The following NAA35 variants were observed in gnomAD, a reference collection of about 807,000 sequenced individuals.
NAA35 encodes N-alpha-acetyltransferase 35, NatC auxiliary subunit, also known as MAK10 homolog, amino-acid N-acetyltransferase subunit.
A neutral mutation model predicts 101.7 loss-of-function variants in NAA35; 18 were observed. That is an observed-to-expected ratio of 0.18 (90% CI 0.12 to 0.26). The LOEUF is 0.26. NAA35 is among the 10% of genes least tolerant of loss of function. The pLI is 1.00. For synonymous variants in NAA35, 267 were observed against 273.1 expected, an observed-to-expected ratio of 0.98 and a Z score of 0.22; for missense variants, 601 against 886.8, an observed-to-expected ratio of 0.68 and a Z score of 4.09.
At chr9:85,987,122 G>A (rs1358528959) in intron 11 of NAA35, 1 of 152,208 alleles carries the variant, frequency 6.6e-6, no homozygotes, top group African/African-American at 2.4e-5. Flanking sequence ...AGAAATACAA[G>A]AGATAACTAA....
At chr9:86,011,273 C>A (rs957137931) in intron 15 of NAA35, among the ~76,000 whole-genome samples, 1 of 151,746 alleles carries the variant, frequency 6.6e-6, no homozygotes, top group Non-Finnish European at 1.5e-5. Flanking sequence ...TAAATGAGGT[C>A]ACAAATTGTT....
At chr9:85,948,521 CTT>C (rs1013228472) in intron 2 of NAA35, among the ~76,000 whole-genome samples, 3 of 152,068 alleles carry the variant, frequency 2.0e-5, no homozygotes, top group South Asian at 2.1e-4. Context: ...CCTGGGGTGT[CTT>C]TTCTCTCTTG....
rs141267660 is a variant in NAA35, at chr9:85,978,558, T to C, written c.877+177T>C. 3.9e-5 allele frequency among the ~76,000 whole-genome samples: 6 copies of C among 152,316 alleles called. No homozygotes were observed. The East Asian group carries it at 1.2e-3, about 29-fold the overall frequency. ...TATATACTAGACTAAAAAACAATAC[T>C]GTAGAACTTGGCCGTTTCCTGTATA... On this transcript the variant is annotated intron_variant, in intron 11 of 22. Coordinates refer to ENST00000361671, the MANE Select transcript of NAA35 (RefSeq NM_024635.4).
chr9:86,012,687 G>A (rs1255762619), intron 15 of NAA35, among the ~76,000 whole-genome samples: 1 of 152,098 alleles, frequency 6.6e-6, no homozygotes, highest in Non-Finnish European at 1.5e-5. Flanking sequence ...ATAATTATTA[G>A]GCATTCTGAC....
Position 86,023,869 on chromosome 9 carries a change from G to T in NAA35, c.*1909G>T, listed in dbSNP as rs558933537. ...TAATTTTTGGTTTTTAGTTTGTTTAGAGAGGAGGTTTCACTATGTTGCCCA... is the reference window on the plus strand; with the variant it reads ...TAATTTTTGGTTTTTAGTTTGTTTATAGAGGAGGTTTCACTATGTTGCCCA... On this transcript the variant is annotated 3_prime_UTR_variant, in exon 23 of 23. Coordinates refer to ENST00000361671, the MANE Select transcript of NAA35 (RefSeq NM_024635.4). 6.6e-6 allele frequency among the ~76,000 whole-genome samples: 1 copy of T among 152,308 alleles called. No individual in the cohort carries two copies. The highest frequency in any genetic ancestry group is 6.5e-5 in the Admixed American group (1 of 15,306).
Position 85,975,133 on chromosome 9 carries a change from G to A in NAA35, c.603G>A (p.Glu201=), listed in dbSNP as rs1259748461. ...LRVTGMLKDV[E]DDMQRRVKST... ...TTCTAGGCATGCTAAAAGATGTGGAGGATGACATGCAAAGAAGAGTAAAGG... is the reference window on the plus strand; with the variant it reads ...TTCTAGGCATGCTAAAAGATGTGGAAGATGACATGCAAAGAAGAGTAAAGG... The change falls in exon 8 of 23, where the codon GAG becomes GAA. Residue 201 remains glutamate, a synonymous_variant. Coordinates refer to ENST00000361671, the MANE Select transcript of NAA35 (RefSeq NM_024635.4). 1 of 1,613,600 alleles carries A rather than the reference G, an allele frequency of 6.2e-7. No homozygotes were observed. The highest frequency in any genetic ancestry group is 2.2e-5 in the East Asian group (1 of 44,780).
At chr9:85,987,722 T>TA (rs757054111) in intron 11 of NAA35, among the ~76,000 whole-genome samples, 9 of 152,132 alleles carry the variant, frequency 5.9e-5, no homozygotes, top group Admixed American at 2.6e-4. Context: ...TCCAGTGTCT[T>TA]AAAAAATAGG....
intron 11 of NAA35, among the ~76,000 whole-genome samples, chr9:85,980,931 G>A (rs765594135): frequency 6.6e-6 from 1 of 152,094 alleles, no homozygotes; most frequent in South Asian, 2.1e-4. Flanking sequence ...AACCAGAAAG[G>A]CAAGTTTTTA....
intron 11 of NAA35, among the ~76,000 whole-genome samples, chr9:85,993,573 G>A (rs776973925): frequency 6.6e-5 from 10 of 152,136 alleles, no homozygotes; most frequent in African/African-American, 9.7e-5. Context: ...TGGTAAAAAC[G>A]TTCTTTTTGT....
intron 2 of NAA35, among the ~76,000 whole-genome samples, chr9:85,947,704 A>C (rs1008729192): frequency 6.6e-6 from 1 of 152,192 alleles, no homozygotes; most frequent in Non-Finnish European, 1.5e-5. Flanking sequence ...AATTCAACAC[A>C]CAGGGCAGCC....
chr9:85,972,532 A>G (rs1002543273), intron 6 of NAA35, among the ~76,000 whole-genome samples: 101 of 147,018 alleles, frequency 6.9e-4, no homozygotes, highest in Non-Finnish European at 1.3e-3. Flanking sequence ...AAAAAAAAAA[A>G]GGGTCGGGGG....
At chr9:85,980,924 C>T (rs1174130943) in intron 11 of NAA35, among the ~76,000 whole-genome samples, 1 of 152,070 alleles carries the variant, frequency 6.6e-6, no homozygotes, top group Non-Finnish European at 1.5e-5. Flanking sequence ...GTCTTGTAAC[C>T]AGAAAGGCAA....
At chr9:86,002,503 A>G (rs996631296) in intron 12 of NAA35, among the ~76,000 whole-genome samples, 11 of 152,124 alleles carry the variant, frequency 7.2e-5, no homozygotes, top group African/African-American at 1.9e-4. Flanking sequence ...CAGTGATTCA[A>G]AGTTAGCTTG....
Position 86,003,556 on chromosome 9 carries a change from A to G in NAA35, c.1057-29A>G, listed in dbSNP as rs1353564641. ...TTAGCTTTTATTTAATCTATTAATG[A>G]CATTGCTTTTTCTTTATATATCTGT... On this transcript the variant is annotated intron_variant, in intron 12 of 22. Coordinates refer to ENST00000361671, the MANE Select transcript of NAA35 (RefSeq NM_024635.4). 2.1e-6 allele frequency: 3 copies of G among 1,402,794 alleles called. No individual in the cohort carries two copies. The African/African-American group carries it at 4.3e-5, about 20-fold the overall frequency. The allele number at this position is 1,402,794 out of a possible 1,614,324, so 86.9% of individuals were successfully genotyped here.
intron 6 of NAA35, among the ~76,000 whole-genome samples, chr9:85,969,095 C>T (rs905606838): frequency 6.6e-6 from 1 of 152,092 alleles, no homozygotes; most frequent in African/African-American, 2.4e-5. Flanking sequence ...ATGCCCACTA[C>T]ACAGCTGTGT....
chr9:85,963,991 A>G (rs962172996), intron 6 of NAA35, among the ~76,000 whole-genome samples: 1 of 152,210 alleles, frequency 6.6e-6, no homozygotes, highest in Non-Finnish European at 1.5e-5. Context: ...TAAAACTGAA[A>G]TGTCATGTTT....
chr9:86,005,441 C>A (rs947738696), intron 13 of NAA35, among the ~76,000 whole-genome samples: 3 of 152,146 alleles, frequency 2.0e-5, no homozygotes, highest in Admixed American at 6.6e-5. Context: ...GGCAAAGATG[C>A]CCACTTCGCT....
At chr9:86,020,252 T>C (rs1832459279) in intron 21 of NAA35, among the ~76,000 whole-genome samples, 1 of 151,982 alleles carries the variant, frequency 6.6e-6, no homozygotes, top group Non-Finnish European at 1.5e-5. Flanking sequence ...TAAGAAAATA[T>C]AAAGGGGGAG....
At chr9:85,986,341 T>C in intron 11 of NAA35, 1 of 462,426 alleles carries the variant, frequency 2.2e-6, no homozygotes, top group Non-Finnish European at 4.4e-6. Context: ...GAATATGGAT[T>C]ATAACCAAAA....
Sources: allele counts gnomAD v4.1 joint callset (sites outside exome capture counted in the v4.1 genomes callset), GRCh38; gene constraint gnomAD v4.1.1; transcripts MANE v1.5; gene names NCBI Gene and HGNC (gene_info 2026-07-23, HGNC 2026-07-21).